The following CYP3A5 variants were observed in gnomAD, a reference collection of about 807,000 sequenced individuals.
CYP3A5 encodes cytochrome P450 3A5.
In CYP3A5, 51 loss-of-function variants were observed where a neutral mutation model predicts 55.9. The ratio of observed to expected loss-of-function variants is 0.91; its 90% confidence interval spans 0.73 to 1.15. The LOEUF (loss-of-function observed/expected upper bound fraction) is 1.15, where lower values mean the gene tolerates loss of function less well. Among genes scored for constraint, CYP3A5 ranks in the 50% most tolerant of loss-of-function variants. CYP3A5 has a pLI of 0.00. For synonymous variants in CYP3A5, 196 were observed against 213.9 expected, an observed-to-expected ratio of 0.92 and a Z score of 0.73; for missense variants, 533 against 596.6, an observed-to-expected ratio of 0.89 and a Z score of 1.11.
intron 1 of CYP3A5, among the ~76,000 whole-genome samples, chr7:99,679,496 A>T (rs1055974657): frequency 6.6e-6 from 1 of 152,214 alleles, no homozygotes; most frequent in South Asian, 2.1e-4. Context: ...CACACTGTCC[A>T]TCATGATCAG....
chr7:99,663,453 C>A, intron 8 of CYP3A5: 2 of 989,866 alleles, frequency 2.0e-6, no homozygotes, highest in Non-Finnish European at 2.4e-6. Context: ...AGTTAGCCAG[C>A]CTTGCAACCT....
chr7:99,667,207 C>CCA, intron 4 of CYP3A5, 142 bp from the exon 5 acceptor site: 1 of 447,046 alleles, frequency 2.2e-6, no homozygotes, highest in Non-Finnish European at 3.4e-6. Context: ...TCAAGATGCT[C>CCA]AATGGAGATC....
chr7:99,650,231 A>T lies in CYP3A5; in HGVS notation c.1255T>A (p.Phe419Ile). Residue 419 changes from phenylalanine (F) to isoleucine (I), a missense_variant and splice_region_variant, in exon 12 of 13, where the codon TTC (phenylalanine) becomes ATC (isoleucine). Phe to Ile is a conservative substitution (Grantham distance 21). Transcript: ENST00000222982. Reference sequence around the variant, plus strand: ...TCTATGCTGTCCTTCTTCTTACTGAACCTAGTTCCATATTGGTAGATTAAA... The same window carrying T: ...TCTATGCTGTCCTTCTTCTTACTGATCCTAGTTCCATATTGGTAGATTAAA... ...TEPEEFRPER[F>I]SKKKDSIDPY... 1 of 1,612,984 alleles carries T rather than the reference A, an allele frequency of 6.2e-7. No homozygotes were observed. Among genetic ancestry groups the T allele is most frequent in the Non-Finnish European group, 8.5e-7 (1 of 1,179,378 alleles).
At chr7:99,668,719 A>G (rs930580965) in intron 4 of CYP3A5, among the ~76,000 whole-genome samples, 1 of 152,250 alleles carries the variant, frequency 6.6e-6, no homozygotes, top group Admixed American at 6.5e-5. Context: ...GAATTGTGAC[A>G]AAGAATTCAA....
Position 99,670,347 on chromosome 7 carries a change from A to G in CYP3A5, c.318+2233T>C, listed in dbSNP as rs559482597. On this transcript the variant is annotated intron_variant, in intron 4 of 12. Transcript: ENST00000222982. ...GTTTCAAACCATAACAGCATTCCAT[A>G]TGAAACTGAAATTATGGCAAGCTCA... Among the ~76,000 whole-genome samples, 427 of 152,320 alleles carry G rather than the reference A, an allele frequency of 2.8e-3. 5 individuals are homozygous for G. Among genetic ancestry groups the G allele is most frequent in the Non-Finnish European group, 4.7e-3 (320 of 68,020 alleles).
intron 2 of CYP3A5, among the ~76,000 whole-genome samples, chr7:99,675,806 A>G (rs1812216705): frequency 6.8e-6 from 1 of 147,394 alleles, no homozygotes; most frequent in Non-Finnish European, 1.5e-5. Context: ...CAATCCTCCC[A>G]CCTTAACATT....
rs1298181750 is a variant in CYP3A5 at position 99,662,106 on chromosome 7, G to A, written c.865+710C>T. 6.6e-6 allele frequency among the ~76,000 whole-genome samples: 1 copy of A among 152,216 alleles called. No individual in the cohort carries two copies. The highest frequency in any genetic ancestry group is 6.5e-5 in the Admixed American group (1 of 15,278). On this transcript the variant is annotated intron_variant, in intron 9 of 12. Coordinates refer to ENST00000222982, the MANE Select transcript of CYP3A5 (RefSeq NM_000777.5). The surrounding 1 kb of genome is among the most constrained non-coding windows in gnomAD (Gnocchi z 4.3). Reference sequence around the variant, plus strand: ...ACAGATAGATAGACAGACAGAAGTAGATGTAGACATGGACATGTTTAAAGT... The same window carrying A: ...ACAGATAGATAGACAGACAGAAGTAAATGTAGACATGGACATGTTTAAAGT...
rs1019019254 is a variant in CYP3A5, at chr7:99,679,954, G to A, written c.-58C>T. 1.3e-6 allele frequency: 2 copies of A among 1,490,054 alleles called. No individual in the cohort carries two copies. Among genetic ancestry groups the A allele is most frequent in the South Asian group, 2.3e-5 (2 of 88,598 alleles). The allele number at this position is 1,490,054 out of a possible 1,614,324, so 92.3% of individuals were successfully genotyped here. A position where few individuals can be genotyped will look rare whatever the true frequency, so the allele number is the denominator to read the frequency against. Reference sequence around the variant, plus strand: ...GTCTTCCTTTTAGCTGAGTGCTGCTGTTTGCTGGGCTGTTTGCCTGGAGCT... The same window carrying A: ...GTCTTCCTTTTAGCTGAGTGCTGCTATTTGCTGGGCTGTTTGCCTGGAGCT... On this transcript the variant is annotated 5_prime_UTR_variant, in exon 1 of 13. Coordinates refer to ENST00000222982, the MANE Select transcript of CYP3A5 (RefSeq NM_000777.5).
intron 6 of CYP3A5, among the ~76,000 whole-genome samples, chr7:99,666,299 C>A (rs1811011646): frequency 6.6e-6 from 1 of 152,210 alleles, no homozygotes. Context: ...ACACTCAAAA[C>A]TTTGATACAA....
In CYP3A5 at chr7:99,676,173, A is replaced by C. The variant is rs776441407; in HGVS notation, c.107T>G (p.Leu36Arg). 1.2e-6 allele frequency: 2 copies of C among 1,613,842 alleles called. No individual in the cohort carries two copies. The highest frequency in any genetic ancestry group is 2.2e-5 in the South Asian group (2 of 91,072). The change falls in exon 2 of 13, where the codon CTG becomes CGG. Residue 36 changes from leucine (L) to arginine (R), a missense_variant. By Grantham distance (102) the Leu-to-Arg change is moderately radical. Coordinates refer to ENST00000222982, the MANE Select transcript of CYP3A5 (RefSeq NM_000777.5). ...GTRTHGLFKRLGIPGPTPLPL... is the reference protein window; with the variant it reads ...GTRTHGLFKRRGIPGPTPLPL... ...CAGAGGTGTGGGCCCTGGAATTCCC[A>C]GTCTCTTAAAAAGTCCATGTGTACG...
chr7:99,671,675 G>A, intron 4 of CYP3A5: 1 of 605,194 alleles, frequency 1.7e-6, no homozygotes. Flanking sequence ...GCTAAGCAAA[G>A]GATTTTCAGA....
At chr7:99,655,359 T>C (rs550306365) in intron 10 of CYP3A5, among the ~76,000 whole-genome samples, 1 of 152,360 alleles carries the variant, frequency 6.6e-6, no homozygotes, top group South Asian at 2.1e-4. Context: ...TGCTTGTTTT[T>C]GTCAGGTTTG....
At chr7:99,675,571 T>C (rs1313095391) in intron 2 of CYP3A5, among the ~76,000 whole-genome samples, 1 of 142,830 alleles carries the variant, frequency 7.0e-6, no homozygotes, top group Non-Finnish European at 1.5e-5. Flanking sequence ...AACCTGGCCA[T>C]GCTTTGGGTG....
intron 1 of CYP3A5, 182 bp from the exon 2 acceptor site, chr7:99,676,390 GAC>G: frequency 1.3e-6 from 2 of 1,518,042 alleles, no homozygotes; most frequent in Non-Finnish European, 1.8e-6. Context: ...ACTATTCTGA[GAC>G]CCCTGAAAAG....
chr7:99,672,927 AAG>A (rs1811818255), intron 3 of CYP3A5: 1 of 1,288,660 alleles, frequency 7.8e-7, no homozygotes, highest in Admixed American at 3.5e-5. Context: ...TGAAAGACAA[AAG>A]AGCTCTTTAA....
chr7:99,661,111 G>T (rs1810399372), intron 9 of CYP3A5, among the ~76,000 whole-genome samples: 1 of 152,158 alleles, frequency 6.6e-6, no homozygotes, highest in African/African-American at 2.4e-5. Flanking sequence ...AACTTTGAGA[G>T]AATTTGCAAT....
intron 11 of CYP3A5, among the ~76,000 whole-genome samples, chr7:99,651,517 CAG>C (rs1487949231): frequency 6.6e-6 from 1 of 152,062 alleles, no homozygotes; most frequent in Non-Finnish European, 1.5e-5. Flanking sequence ...CTCCAGAAAA[CAG>C]AGAACTTGGT....
intron 10 of CYP3A5, among the ~76,000 whole-genome samples, chr7:99,657,667 A>G (rs1350635854): frequency 6.6e-6 from 1 of 152,160 alleles, no homozygotes; most frequent in Non-Finnish European, 1.5e-5. Context: ...TGATCTGTCT[A>G]GTGTTGACAG....
chr7:99,672,440 C>T lies in CYP3A5; in HGVS notation c.318+140G>A, dbSNP rs1811759854. ...TATACAAGATTGCAAGATGTTACCA[C>T]TGGGCGGGACAGGATGAAGAGTACA... On this transcript the variant is annotated intron_variant, in intron 4 of 12. Transcript: ENST00000222982. 14 of 685,796 alleles carry T rather than the reference C, an allele frequency of 2.0e-5. 1 individual carries two copies. In the South Asian group the frequency reaches 2.5e-4, roughly 12 times the overall value. 42.5% of individuals were successfully genotyped at this position (685,796 alleles called of 1,614,324 possible). A position where few individuals can be genotyped will look rare whatever the true frequency, so the allele number is the denominator to read the frequency against.
Sources: allele counts gnomAD v4.1 joint callset (sites outside exome capture counted in the v4.1 genomes callset), GRCh38; gene constraint gnomAD v4.1.1; non-coding constraint Gnocchi (gnomAD v3.1); transcripts MANE v1.5; gene names NCBI Gene and HGNC (gene_info 2026-07-23, HGNC 2026-07-21).